SLC25A13: variants seen among roughly 807,000 people sequenced by gnomAD.
The protein encoded by SLC25A13 is solute carrier family 25 member 13.
Under a neutral mutation model 85.5 loss-of-function variants are expected in SLC25A13, and 70 were observed. The observed-to-expected ratio is 0.82, with a 90% CI of 0.68 to 1.00. The LOEUF is 1.00. Ranked by LOEUF, SLC25A13 falls within the 50% of genes least tolerant of loss-of-function variation. The probability of loss-of-function intolerance (pLI) is 0.00; values close to 1 mark genes in which losing one functional copy is unlikely to be tolerated. For missense variants in SLC25A13, 765 were observed against 819.8 expected, an observed-to-expected ratio of 0.93 and a Z score of 0.82; for synonymous variants, 259 against 288.7, an observed-to-expected ratio of 0.90 and a Z score of 1.04.
At chr7:96,238,393 T>TA (rs1796822927) in intron 3 of SLC25A13, among the ~76,000 whole-genome samples, 1 of 99,354 alleles carries the variant, frequency 1.0e-5, no homozygotes, top group Non-Finnish European at 2.5e-5. Flanking sequence ...ACAACTAATT[T>TA]GTTTTTTTTT....
intron 9 of SLC25A13, among the ~76,000 whole-genome samples, chr7:96,186,342 T>A (rs924618748): frequency 2.0e-5 from 3 of 152,058 alleles, no homozygotes; most frequent in Non-Finnish European, 4.4e-5. Flanking sequence ...GGCAGGAGAA[T>A]CACTTGAACC....
intron 1 of SLC25A13, among the ~76,000 whole-genome samples, chr7:96,313,547 T>C (rs564320220): frequency 6.6e-6 from 1 of 152,184 alleles, no homozygotes; most frequent in East Asian, 1.9e-4. Flanking sequence ...CACTTATAAG[T>C]GGGAGCTAAA....
At chr7:96,270,498 T>A (rs1798198630) in intron 3 of SLC25A13, among the ~76,000 whole-genome samples, 1 of 151,026 alleles carries the variant, frequency 6.6e-6, no homozygotes, top group South Asian at 2.1e-4. Context: ...GAGGTTGCAA[T>A]GATCTGAGAT....
In SLC25A13 at chr7:96,231,795, G is replaced by A. The variant is rs192177227; in HGVS notation, c.328+3007C>T. Among the ~76,000 whole-genome samples, 29 of 151,764 alleles carry A rather than the reference G, an allele frequency of 1.9e-4. No homozygotes were observed. The East Asian group carries it at 4.7e-3, about 24-fold the overall frequency. On this transcript the variant is annotated intron_variant, in intron 4 of 17. Transcript: ENST00000265631. ...TATTTTCAAAAGAACACATATACGC[G>A]GCCAAGAAGCATATGGAAAAAGGCT...
chr7:96,301,311 T>C (rs1054779781), intron 1 of SLC25A13, among the ~76,000 whole-genome samples: 3 of 152,202 alleles, frequency 2.0e-5, no homozygotes, highest in African/African-American at 7.2e-5. Context: ...CTTTCACTGT[T>C]ACATTTTTTT....
intron 1 of SLC25A13, among the ~76,000 whole-genome samples, chr7:96,306,329 G>C (rs1317217519): frequency 6.6e-6 from 1 of 152,226 alleles, no homozygotes; most frequent in Non-Finnish European, 1.5e-5. Context: ...GGCAAGGGCA[G>C]GGAGCTTCCC....
At chr7:96,219,181 G>T (rs1796009215) in intron 4 of SLC25A13, among the ~76,000 whole-genome samples, 1 of 152,128 alleles carries the variant, frequency 6.6e-6, no homozygotes, top group Non-Finnish European at 1.5e-5. Context: ...GAAAATGGTT[G>T]CCATTAAAAC....
In SLC25A13 at chr7:96,173,811, C is replaced by G. The variant is rs144288157; in HGVS notation, c.1178-2287G>C. Among the ~76,000 whole-genome samples the G allele has an allele frequency of 5.9e-5, 9 of 152,250 alleles. No individual in the cohort carries two copies. In the East Asian group the frequency reaches 9.7e-4, roughly 16 times the overall value. The stretch of plus-strand genomic sequence containing the variant: ...GACAATGTAAAACACCTAAAAGACA[C>G]GCAAATCAAGAGTTCAGCAACCTGA... On this transcript the variant is annotated intron_variant, in intron 11 of 17. Coordinates refer to ENST00000265631, the MANE Select transcript of SLC25A13 (RefSeq NM_014251.3).
chr7:96,162,763 G>A (rs1439243948), intron 13 of SLC25A13, among the ~76,000 whole-genome samples: 3 of 152,136 alleles, frequency 2.0e-5, no homozygotes, highest in Non-Finnish European at 4.4e-5. Flanking sequence ...GATGTGCAGA[G>A]GGATGCAAAG....
intron 3 of SLC25A13, among the ~76,000 whole-genome samples, chr7:96,245,101 CA>C (rs1208332079): frequency 6.6e-6 from 1 of 152,130 alleles, no homozygotes; most frequent in Non-Finnish European, 1.5e-5. Context: ...CTGTGCCAAC[CA>C]GGGGGATTTA....
Position 96,189,580 on chromosome 7 carries a change from C to T in SLC25A13, c.848+1G>A, listed in dbSNP as rs761370420. The T allele has an allele frequency of 6.3e-7, 1 of 1,589,376 alleles. No individual in the cohort carries two copies. Among genetic ancestry groups the T allele is most frequent in the Non-Finnish European group, 8.6e-7 (1 of 1,163,204 alleles). On this transcript the variant is annotated splice_donor_variant, in intron 8 of 17. Coordinates refer to ENST00000265631, the MANE Select transcript of SLC25A13 (RefSeq NM_014251.3). LOFTEE classifies it high-confidence loss of function. ...AAAAAAAAAAAAAAAAGCCAACTTA[C>T]CCCCTTGGCTCATATAAATCTGCTA... is the stretch of plus-strand genomic sequence containing the variant.
chr7:96,151,104 G>C (rs1366611230), intron 13 of SLC25A13, among the ~76,000 whole-genome samples: 1 of 152,090 alleles, frequency 6.6e-6, no homozygotes, highest in African/African-American at 2.4e-5. Context: ...TTAGGATTTT[G>C]GTAGTCCAGG....
chr7:96,250,456 A>C (rs553000486), intron 3 of SLC25A13, among the ~76,000 whole-genome samples: 14 of 152,362 alleles, frequency 9.2e-5, no homozygotes, highest in African/African-American at 1.2e-4. Flanking sequence ...TTACCAGACC[A>C]TAAGACATAA....
chr7:96,196,399 G>A (rs531760669), intron 5 of SLC25A13, among the ~76,000 whole-genome samples: 8 of 152,134 alleles, frequency 5.3e-5, no homozygotes, highest in African/African-American at 9.7e-5. Context: ...AAATGGCACC[G>A]CTTTCTCTGG....
chr7:96,276,619 C>T (rs2116937059), intron 3 of SLC25A13, among the ~76,000 whole-genome samples: 1 of 152,066 alleles, frequency 6.6e-6, no homozygotes, highest in African/African-American at 2.4e-5. Context: ...TGAGAACCTG[C>T]CTCAAAAGAA....
At chr7:96,151,298 G>A (rs2116499256) in intron 13 of SLC25A13, among the ~76,000 whole-genome samples, 1 of 152,270 alleles carries the variant, frequency 6.6e-6, no homozygotes, top group African/African-American at 2.4e-5. Flanking sequence ...TGTGGTAAGA[G>A]TTCTATAAGA....
At chr7:96,172,903 C>T (rs1212130994) in intron 11 of SLC25A13, among the ~76,000 whole-genome samples, 4 of 152,012 alleles carry the variant, frequency 2.6e-5, no homozygotes, top group African/African-American at 2.4e-5. Context: ...GGACTATAGG[C>T]GCCTGCCACC....
rs1029210056 is a variant in SLC25A13, at chr7:96,177,806, C to T, written c.1178-6282G>A. Reference sequence around the variant, plus strand: ...TTGTTTCAAGTCACTAACTTCTGAGCGACTATGTAGTAGCACTCAAAGTTG... The same window carrying T: ...TTGTTTCAAGTCACTAACTTCTGAGTGACTATGTAGTAGCACTCAAAGTTG... On this transcript the variant is annotated intron_variant, in intron 11 of 17. Coordinates refer to ENST00000265631, the MANE Select transcript of SLC25A13 (RefSeq NM_014251.3). Among the ~76,000 whole-genome samples, 10 of 152,216 alleles carry T rather than the reference C, an allele frequency of 6.6e-5. No individual in the cohort carries two copies. The East Asian group carries it at 7.7e-4, about 12-fold the overall frequency.
At chr7:96,172,052 T>C (rs904517374) in intron 11 of SLC25A13, among the ~76,000 whole-genome samples, 4 of 152,098 alleles carry the variant, frequency 2.6e-5, no homozygotes, top group African/African-American at 9.7e-5. Context: ...GAGAGGTTCA[T>C]GGTAATATTC....
Sources: gnomAD v4.1 joint callset for allele counts (sites outside exome capture counted in the v4.1 genomes callset) on GRCh38, gnomAD v4.1.1 for gene constraint, MANE v1.5 for transcripts, NCBI Gene and HGNC (gene_info 2026-07-23, HGNC 2026-07-21) for gene names.